The following LPP variants were observed in gnomAD, a reference collection of about 807,000 sequenced individuals.
The protein encoded by LPP is lipoma-preferred partner.
A neutral mutation model predicts 60.4 loss-of-function variants in LPP; 38 were observed. That is an observed-to-expected ratio of 0.63 (90% CI 0.49 to 0.83). LPP has a LOEUF of 0.83. LPP is among the 40% of genes least tolerant of loss of function. LPP has a pLI of 0.00. For synonymous variants in LPP, 328 were observed against 290.8 expected (o/e 1.13, Z -1.30); for missense variants, 902 against 783.6 (o/e 1.15, Z -1.80).
intron 8 of LPP, among the ~76,000 whole-genome samples, chr3:188,715,253 C>T (rs961396769): frequency 2.6e-5 from 4 of 151,714 alleles, no homozygotes; most frequent in Admixed American, 6.6e-5. Flanking sequence ...TGGCACGCAC[C>T]TGTAGTCCCA....
chr3:188,216,274 T>C (rs1171484075), intron 1 of LPP, among the ~76,000 whole-genome samples: 1 of 101,800 alleles, frequency 9.8e-6, no homozygotes, highest in African/African-American at 3.2e-5. Context: ...TTCTTCTTCC[T>C]TTTTTTTTTT....
chr3:188,510,985 A>G (rs925217233), intron 5 of LPP, among the ~76,000 whole-genome samples: 16 of 151,942 alleles, frequency 1.1e-4, no homozygotes, highest in Non-Finnish European at 1.8e-4. Context: ...AGTTTCTTCA[A>G]TGCAACTGTA....
At chr3:188,366,563 C>T (rs1771236058) in intron 3 of LPP, among the ~76,000 whole-genome samples, 1 of 152,154 alleles carries the variant, frequency 6.6e-6, no homozygotes, top group African/African-American at 2.4e-5. Context: ...GCCTGAATTC[C>T]TTAACGTGTG....
intron 4 of LPP, among the ~76,000 whole-genome samples, chr3:188,428,349 G>C (rs561973045): frequency 6.6e-6 from 1 of 152,182 alleles, no homozygotes; most frequent in East Asian, 1.9e-4. Flanking sequence ...GACTGGAGCT[G>C]TTCCTATTTG....
intron 2 of LPP, among the ~76,000 whole-genome samples, chr3:188,320,513 C>T (rs562310922): frequency 8.8e-4 from 134 of 152,310 alleles, no homozygotes; most frequent in African/African-American, 3.1e-3. Context: ...GAAAGGAGAA[C>T]ACTTGGGAAA....
intron 2 of LPP, among the ~76,000 whole-genome samples, chr3:188,230,991 T>A (rs191441337): frequency 6.6e-6 from 1 of 152,098 alleles, no homozygotes; most frequent in Non-Finnish European, 1.5e-5. Flanking sequence ...CCACAGATTA[T>A]TGGACTGAGG....
At chr3:188,183,464 A>G (rs9863441) in intron 1 of LPP, among the ~76,000 whole-genome samples, 84,626 of 152,012 alleles carry the variant, frequency 0.56, 24,668 homozygotes, top group East Asian at 0.88. Flanking sequence ...TCCCCTCTGT[A>G]TCAGACACTG....
intron 8 of LPP, among the ~76,000 whole-genome samples, chr3:188,715,682 T>A (rs1713673881): frequency 6.6e-6 from 1 of 152,198 alleles, no homozygotes; most frequent in Non-Finnish European, 1.5e-5. Flanking sequence ...TCTGTGTTGG[T>A]TGATACAGCC....
chr3:188,840,268 A>T (rs2151721428), intron 9 of LPP, among the ~76,000 whole-genome samples: 2 of 152,284 alleles, frequency 1.3e-5, no homozygotes, highest in Non-Finnish European at 2.9e-5. Context: ...AGTATCTGGG[A>T]ATTCAACAGA....
At chr3:188,281,145 A>G (rs936685702) in intron 2 of LPP, among the ~76,000 whole-genome samples, 1 of 152,198 alleles carries the variant, frequency 6.6e-6, no homozygotes, top group Non-Finnish European at 1.5e-5. Flanking sequence ...ATTTGCACAT[A>G]TGAATTATTT....
At chr3:188,545,700 G>A (rs577861711) in intron 6 of LPP, among the ~76,000 whole-genome samples, 1 of 152,188 alleles carries the variant, frequency 6.6e-6, no homozygotes, top group South Asian at 2.1e-4. Context: ...CAGGCTCCTA[G>A]GGCTTTCTTA....
At chr3:188,237,178 T>C (rs1722230904) in intron 2 of LPP, among the ~76,000 whole-genome samples, 1 of 152,204 alleles carries the variant, frequency 6.6e-6, no homozygotes, top group Non-Finnish European at 1.5e-5. Context: ...AGCCCCTCCT[T>C]ATCCATTCAA....
chr3:188,239,173 C>T (rs771019197), intron 2 of LPP, among the ~76,000 whole-genome samples: 2 of 152,224 alleles, frequency 1.3e-5, no homozygotes, highest in African/African-American at 2.4e-5. Flanking sequence ...CTCTCCACTC[C>T]GTTTCTCTGC....
At chr3:188,156,405 C>G (rs1260227458) in intron 1 of LPP, among the ~76,000 whole-genome samples, 1 of 152,078 alleles carries the variant, frequency 6.6e-6, no homozygotes, top group East Asian at 1.9e-4. Context: ...AAATGCCAGG[C>G]TAAGGAGTTT....
chr3:188,572,271 T>C lies in LPP; in HGVS notation c.430-36890T>C, dbSNP rs1833709027. Among the ~76,000 whole-genome samples, 1 of 152,256 alleles carries C rather than the reference T, an allele frequency of 6.6e-6. No individual in the cohort carries two copies. The highest frequency in any genetic ancestry group is 1.5e-5 in the Non-Finnish European group (1 of 68,006). On this transcript the variant is annotated intron_variant, in intron 6 of 11. Transcript: ENST00000617246. This position sits in a 1 kb window ranked among gnomAD's most constrained non-coding sequence, Gnocchi z 4.1. ...CATTTATTTCAACAAACATGTAATA[T>C]ATATTCTAACGACAAAGCCCTATGT...
At chr3:188,514,106 C>T (rs1021975232) in intron 5 of LPP, among the ~76,000 whole-genome samples, 1 of 152,058 alleles carries the variant, frequency 6.6e-6, no homozygotes, top group Non-Finnish European at 1.5e-5. Context: ...AACAGAGGCC[C>T]CCTGGAGTAG....
intron 1 of LPP, among the ~76,000 whole-genome samples, chr3:188,154,503 C>G (rs1003480051): frequency 6.6e-6 from 1 of 152,210 alleles, no homozygotes; most frequent in Non-Finnish European, 1.5e-5. Flanking sequence ...TTGCGCGCCC[C>G]CTGCCCGGAC....
At chr3:188,611,532 A>G (rs1221781086) in intron 7 of LPP, among the ~76,000 whole-genome samples, 1 of 152,196 alleles carries the variant, frequency 6.6e-6, no homozygotes, top group African/African-American at 2.4e-5. Flanking sequence ...TACCCAGGGA[A>G]GATTACAGTA....
intron 3 of LPP, among the ~76,000 whole-genome samples, chr3:188,398,906 G>A (rs1386200437): frequency 6.6e-6 from 1 of 152,204 alleles, no homozygotes; most frequent in East Asian, 1.9e-4. Context: ...GGAAACGGGT[G>A]ACAGAAAAAG....
Sources: allele counts gnomAD v4.1 joint callset (sites outside exome capture counted in the v4.1 genomes callset), GRCh38; gene constraint gnomAD v4.1.1; non-coding constraint Gnocchi (gnomAD v3.1); transcripts MANE v1.5; gene names NCBI Gene and HGNC (gene_info 2026-07-23, HGNC 2026-07-21).